The following TTLL5 variants were observed in gnomAD, a reference collection of about 807,000 sequenced individuals.
TTLL5 encodes tubulin polyglutamylase TTLL5.
In TTLL5, 132 loss-of-function variants were observed where a neutral mutation model predicts 168.4. That is an observed-to-expected ratio of 0.78 (90% confidence interval 0.68 to 0.91). The LOEUF (loss-of-function observed/expected upper bound fraction) is 0.91. TTLL5 is among the 40% of genes least tolerant of loss of function. TTLL5 has a pLI of 0.00. For missense variants in TTLL5, 1,545 were observed against 1,581.5 expected (o/e 0.98, Z 0.39); for synonymous variants, 546 against 558.6 (o/e 0.98, Z 0.32).
chr14:75,764,506 G>A (rs1438359077), intron 18 of TTLL5, 109 bp from the exon 19 acceptor site: 1 of 1,311,036 alleles, frequency 7.6e-7, no homozygotes, highest in Non-Finnish European at 1.1e-6. Context: ...GAATTCACTT[G>A]AGTTACCATG....
intron 27 of TTLL5, among the ~76,000 whole-genome samples, chr14:75,794,365 T>C (rs1452083377): frequency 1.3e-5 from 2 of 151,916 alleles, no homozygotes; most frequent in South Asian, 2.1e-4. Context: ...ACTTTTATCA[T>C]TGGGTCACTA....
chr14:75,670,324 A>T (rs900804312), intron 3 of TTLL5, among the ~76,000 whole-genome samples: 16 of 152,106 alleles, frequency 1.1e-4, no homozygotes, highest in African/African-American at 3.9e-4. Flanking sequence ...GGTTACATGC[A>T]TAATCCACTG....
At chr14:75,683,739 T>G in intron 5 of TTLL5, 83 bp downstream of exon 5, 1 of 1,063,744 alleles carries the variant, frequency 9.4e-7, no homozygotes, top group Non-Finnish European at 1.4e-6. Flanking sequence ...TTAGTGTCCT[T>G]AAAGAAGAGG....
chr14:75,770,069 T>C (rs1891189275), intron 20 of TTLL5, among the ~76,000 whole-genome samples: 1 of 148,702 alleles, frequency 6.7e-6, no homozygotes, highest in Non-Finnish European at 1.5e-5. Flanking sequence ...TCTTAGCTAC[T>C]TGGGAGGCTG....
chr14:75,941,980 G>A (rs1244083387), intron 31 of TTLL5, among the ~76,000 whole-genome samples: 1 of 149,784 alleles, frequency 6.7e-6, no homozygotes, highest in Non-Finnish European at 1.5e-5. Context: ...AGGAGATCAA[G>A]ACCATCCTGG....
chr14:75,716,362 GTTTAT>G (rs1302714068), intron 9 of TTLL5, among the ~76,000 whole-genome samples: 1 of 151,980 alleles, frequency 6.6e-6, no homozygotes, highest in African/African-American at 2.4e-5. Flanking sequence ...CCTCATGTTT[GTTTAT>G]TTTAGTTTTT....
intron 31 of TTLL5, among the ~76,000 whole-genome samples, chr14:75,928,429 T>G (rs997402296): frequency 6.8e-6 from 1 of 147,944 alleles, no homozygotes; most frequent in Non-Finnish European, 1.5e-5. Context: ...TTTATAAAAT[T>G]CATCCATCTC....
At chr14:75,854,365 C>A (rs1474562668) in intron 28 of TTLL5, among the ~76,000 whole-genome samples, 1 of 152,114 alleles carries the variant, frequency 6.6e-6, no homozygotes, top group African/African-American at 2.4e-5. Context: ...GCAGTTCATT[C>A]GTTTTTATTG....
At chr14:75,875,307 G>C (rs1028994978) in intron 29 of TTLL5, among the ~76,000 whole-genome samples, 1 of 150,194 alleles carries the variant, frequency 6.7e-6, no homozygotes, top group Non-Finnish European at 1.5e-5. Context: ...ATTTTGGGAG[G>C]CTGAGGCAGA....
chr14:75,673,667 T>C (rs1278697334), intron 3 of TTLL5, among the ~76,000 whole-genome samples: 4 of 152,368 alleles, frequency 2.6e-5, no homozygotes, highest in South Asian at 4.1e-4. Context: ...TAGTAGGCGC[T>C]CAAAACTTGT....
At chr14:75,890,798 C>T (rs1290378099) in intron 30 of TTLL5, among the ~76,000 whole-genome samples, 2 of 152,302 alleles carry the variant, frequency 1.3e-5, no homozygotes, top group African/African-American at 2.4e-5. Flanking sequence ...TGGCTCACTG[C>T]AGCCTCTGTC....
chr14:75,886,846 C>G (rs1330356918), intron 30 of TTLL5: 12 of 1,524,468 alleles, frequency 7.9e-6, no homozygotes, highest in Non-Finnish European at 1.0e-5. Context: ...ATCATACTCT[C>G]CAGGAAATAT....
At chr14:75,909,429 G>A (rs2033278953) in intron 31 of TTLL5, among the ~76,000 whole-genome samples, 1 of 151,440 alleles carries the variant, frequency 6.6e-6, no homozygotes. Context: ...CCCAGCAAAG[G>A]TTCTGACCTA....
At chr14:75,950,810 T>A (rs1213027472) in intron 31 of TTLL5, among the ~76,000 whole-genome samples, 2 of 151,894 alleles carry the variant, frequency 1.3e-5, no homozygotes, top group African/African-American at 2.4e-5. Flanking sequence ...TCTATAAAAA[T>A]TTTAAAAATT....
chr14:75,734,120 A>G (rs45488601), intron 14 of TTLL5, 70 bp downstream of exon 14: 11 of 1,515,038 alleles, frequency 7.3e-6, no homozygotes, highest in Middle Eastern at 1.7e-4. Context: ...ATCAGACTCC[A>G]TAGGTTTTGC....
At chr14:75,737,784 G>A (rs1427476478) in intron 15 of TTLL5, among the ~76,000 whole-genome samples, 5 of 152,150 alleles carry the variant, frequency 3.3e-5, no homozygotes, top group Non-Finnish European at 4.4e-5. Flanking sequence ...TAGGATATAA[G>A]AGTAGAGGAT....
intron 18 of TTLL5, among the ~76,000 whole-genome samples, chr14:75,754,975 C>T (rs778596873): frequency 6.6e-6 from 1 of 152,038 alleles, no homozygotes; most frequent in East Asian, 1.9e-4. Flanking sequence ...TTAAAAAAAA[C>T]ATAATTTGGC....
chr14:75,817,036 AGTGCG>A (rs1894466362), intron 27 of TTLL5, among the ~76,000 whole-genome samples: 1 of 130,244 alleles, frequency 7.7e-6, no homozygotes, highest in African/African-American at 3.0e-5. Context: ...GCTGGAGTGC[AGTGCG>A]CTATCTGAGC....
rs527277207 is a variant in TTLL5 at position 75,671,709 on chromosome 14, T to C, written c.181+2187T>C. ...GTTATTCACTGCTAGTGTATAGAAA[T>C]ACACCTGAGTTCTGTATATTGATCT... On this transcript the variant is annotated intron_variant, in intron 3 of 31. Coordinates refer to ENST00000298832, the MANE Select transcript of TTLL5 (RefSeq NM_015072.5). Among the ~76,000 whole-genome samples the C allele has an allele frequency of 3.9e-5, 6 of 152,334 alleles. No individual in the cohort carries two copies. In the East Asian group the frequency reaches 7.7e-4, roughly 20 times the overall value.
Sources: allele counts gnomAD v4.1 joint callset (sites outside exome capture counted in the v4.1 genomes callset), GRCh38; gene constraint gnomAD v4.1.1; transcripts MANE v1.5; gene names NCBI Gene and HGNC (gene_info 2026-07-23, HGNC 2026-07-21).